Variants in TENM1 observed in about 807,000 individuals in gnomAD.
TENM1 encodes the protein teneurin transmembrane protein 1, also known as teneurin-1.
TENM1 carries 35 observed loss-of-function variants against 174.8 expected under a neutral mutation model. That is an observed-to-expected ratio of 0.20 (90% confidence interval 0.15 to 0.27). TENM1 has a LOEUF of 0.27. TENM1 is among the 10% of genes least tolerant of loss of function. The pLI, the probability that TENM1 is intolerant of heterozygous loss-of-function variation, is 1.00. For synonymous variants in TENM1, 781 were observed against 798.7 expected (o/e 0.98, Z 0.37); for missense variants, 1,633 against 2,130.1 (o/e 0.77, Z 4.59).
rs1170545323 is a variant in TENM1, at chrX:124,903,579, T to C, written c.218-7338A>G. 2.7e-5 allele frequency among the ~76,000 whole-genome samples: 3 copies of C among 112,359 alleles called. No individual in the cohort carries two copies. In the Admixed American group the frequency reaches 2.8e-4, roughly 11 times the overall value. On this transcript the variant is annotated intron_variant, in intron 1 of 31. Transcript: ENST00000422452. ...GCAAATGCTAACTATTTCCTTAAAC[T>C]AATTTTCACCTTAGTGAACGGCTCC...
chrX:125,081,526 C>T, the TENM1 span, among the ~76,000 whole-genome samples: 1 of 110,707 alleles, frequency 9.0e-6, no homozygotes, highest in African/African-American at 3.3e-5. Flanking sequence ...TTGGTGCATT[C>T]CCTGATTCCT....
chrX:124,642,155 C>T (rs2051035090), intron 10 of TENM1, among the ~76,000 whole-genome samples, 164 bp from the exon 14 acceptor site: 1 of 112,334 alleles, frequency 8.9e-6, no homozygotes, highest in South Asian at 3.7e-4. Flanking sequence ...TCTGTCCAAA[C>T]CATATTATTA....
intron 14 of TENM1, among the ~76,000 whole-genome samples, chrX:124,550,891 T>C (rs1388262098): frequency 9.0e-6 from 1 of 110,925 alleles, no homozygotes. Context: ...CCCGAGTACC[T>C]GGGATTACAG....
At chrX:124,465,999 A>G (rs1443713776) in intron 22 of TENM1, among the ~76,000 whole-genome samples, 2 of 112,054 alleles carry the variant, frequency 1.8e-5, no homozygotes, top group African/African-American at 3.2e-5. Context: ...GACGTGCTAC[A>G]GTAGCTAAAA....
intron 3 of TENM1, among the ~76,000 whole-genome samples, chrX:124,834,296 C>A (rs777708142): frequency 9.0e-6 from 1 of 111,353 alleles, no homozygotes; most frequent in Admixed American, 9.6e-5. Context: ...CTCAGCCTTC[C>A]GAGTAGCTAG....
chrX:125,196,013 C>CGAACGAAGGAAGGAAGGAAGGAAG, the TENM1 span, among the ~76,000 whole-genome samples: 1 of 90,696 alleles, frequency 1.1e-5, no homozygotes, highest in African/African-American at 4.3e-5. Flanking sequence ...AAAGAAGGAA[C>CGAACGAAGGAAGGAAGGAAGGAAG]GAAGGAAGGA....
At chrX:124,517,266 T>A (rs2047726430) in intron 18 of TENM1, among the ~76,000 whole-genome samples, 1 of 110,946 alleles carries the variant, frequency 9.0e-6, no homozygotes, top group African/African-American at 3.3e-5. Context: ...TTTACCTATA[T>A]AACAAGCCTA....
intron 3 of TENM1, among the ~76,000 whole-genome samples, chrX:124,885,988 G>C (rs2057377963): frequency 8.9e-6 from 1 of 111,802 alleles, no homozygotes; most frequent in South Asian, 3.7e-4. Flanking sequence ...AAGATGGACA[G>C]TGCAAGGTAA....
At chrX:125,040,209 C>A in the TENM1 span, among the ~76,000 whole-genome samples, 6 of 111,076 alleles carry the variant, frequency 5.4e-5, no homozygotes, top group South Asian at 3.7e-4. Context: ...AAAGCTTAAA[C>A]CTCAGGGCAC....
intron 1 of TENM1, among the ~76,000 whole-genome samples, chrX:124,953,366 A>G (rs2058520135): frequency 9.0e-6 from 1 of 110,890 alleles, no homozygotes; most frequent in Admixed American, 9.6e-5. Flanking sequence ...TTTTCACTTC[A>G]CTCTTTAGGT....
chrX:124,392,467 C>T lies in TENM1; in HGVS notation c.5392-119G>A, dbSNP rs961270384. The T allele has an allele frequency of 1.3e-4, 75 of 567,107 alleles. 1 individual carries two copies. The East Asian group carries it at 2.6e-3, about 19-fold the overall frequency. 46.7% of individuals were successfully genotyped at this position (567,107 alleles called of 1,213,427 possible). A position where few individuals can be genotyped will look rare whatever the true frequency, so the allele number is the denominator to read the frequency against. On this transcript the variant is annotated intron_variant, in intron 27 of 31. Coordinates refer to ENST00000422452, the Ensembl canonical transcript of TENM1. ...GATAGAGTCTGTCTTGCCTCTGAAG[C>T]CTCACGGCTTCACATTCCACAGATG...
the TENM1 span, among the ~76,000 whole-genome samples, chrX:125,169,657 T>G: frequency 9.0e-6 from 1 of 111,549 alleles, no homozygotes; most frequent in South Asian, 3.7e-4. Context: ...TTCAAAACCT[T>G]AACAATATCC....
At chrX:124,668,054 G>A (rs1202414385) in intron 6 of TENM1, among the ~76,000 whole-genome samples, 2 of 111,699 alleles carry the variant, frequency 1.8e-5, no homozygotes, top group Non-Finnish European at 3.8e-5. Flanking sequence ...CTGCATAAAT[G>A]TCTTCTTTTG....
At position 124,827,994 on chromosome X, in the gene TENM1, G is replaced by A. The variant is rs72610654; in HGVS notation, c.535+66302C>T. 6.3e-5 allele frequency among the ~76,000 whole-genome samples: 7 copies of A among 111,169 alleles called. No homozygotes were observed. In the East Asian group the frequency reaches 2.0e-3, roughly 31 times the overall value. ...CAGAAGACAACCTTTAAAATATGAA[G>A]GGCCCCAGTGCTACAATTTTCAGAT... On this transcript the variant is annotated intron_variant, in intron 3 of 31. Coordinates refer to ENST00000422452, the Ensembl canonical transcript of TENM1.
chrX:124,464,504 C>T (rs1162280796), intron 22 of TENM1, among the ~76,000 whole-genome samples: 4 of 111,974 alleles, frequency 3.6e-5, no homozygotes, highest in African/African-American at 1.3e-4. Context: ...TCCCTGCATC[C>T]GTATGTCTTG....
chrX:125,200,652 T>TGAGAGAGAGAGAGAGA, the TENM1 span, among the ~76,000 whole-genome samples: 1 of 81,326 alleles, frequency 1.2e-5, no homozygotes, highest in African/African-American at 5.6e-5. Context: ...TGTGTGTGTG[T>TGAGAGAGAGAGAGAGA]GTGAGAGAGA....
At chrX:124,528,141 G>A (rs2048023608) in intron 16 of TENM1, among the ~76,000 whole-genome samples, 1 of 109,486 alleles carries the variant, frequency 9.1e-6, no homozygotes, top group Admixed American at 9.9e-5. Flanking sequence ...CACCTTTATG[G>A]AGCCTGAGGG....
At chrX:124,954,775 A>G (rs771596245) in intron 1 of TENM1, among the ~76,000 whole-genome samples, 1 of 111,721 alleles carries the variant, frequency 9.0e-6, no homozygotes, top group East Asian at 2.8e-4. Flanking sequence ...GTGGTCAACA[A>G]TATTTATTGT....
At chrX:125,033,647 G>T in the TENM1 span, among the ~76,000 whole-genome samples, 14 of 110,850 alleles carry the variant, frequency 1.3e-4, no homozygotes, top group African/African-American at 4.6e-4. Context: ...AGTTTGCTAT[G>T]GAACATTTTA....
Sources: gnomAD v4.1 joint callset for allele counts (sites outside exome capture counted in the v4.1 genomes callset) on GRCh38, gnomAD v4.1.1 for gene constraint, MANE v1.5 for transcripts, NCBI Gene and HGNC (gene_info 2026-07-23, HGNC 2026-07-21) for gene names.